Variants in PIP5K1C observed in about 807,000 individuals in gnomAD.
The protein encoded by PIP5K1C is phosphatidylinositol-4-phosphate 5-kinase type 1 gamma.
A neutral mutation model predicts 80.1 loss-of-function variants in PIP5K1C; 45 were observed. The observed-to-expected ratio is 0.56, with a 90% CI of 0.44 to 0.72. The LOEUF is 0.72. Among genes scored for constraint, PIP5K1C ranks in the 30% least tolerant of loss-of-function variants. The pLI is 0.00. For synonymous variants in PIP5K1C, 498 were observed against 420.1 expected, an observed-to-expected ratio of 1.19 and a Z score of -2.27; for missense variants, 753 against 954.6, an observed-to-expected ratio of 0.79 and a Z score of 2.78.
chr19:3,680,021 C>T (rs1478138241), intron 1 of PIP5K1C, among the ~76,000 whole-genome samples: 3 of 152,230 alleles, frequency 2.0e-5, no homozygotes, highest in African/African-American at 7.2e-5. Flanking sequence ...AACACCCTGG[C>T]TACAGCCCCC....
rs12984517 is a variant in PIP5K1C, at chr19:3,686,050, G to A, written c.94+14247C>T. Among the ~76,000 whole-genome samples the A allele has an allele frequency of 7.3e-3, 1,110 of 151,904 alleles. 5 individuals are homozygous for A. The highest frequency in any genetic ancestry group is 0.014 in the Non-Finnish European group (931 of 67,940). ...TTCTTTTTTCAGAAACGGGGGTCTCGCGTTGTTGCCGAGGCTGGTCTCAAA... is the reference window on the plus strand; with the variant it reads ...TTCTTTTTTCAGAAACGGGGGTCTCACGTTGTTGCCGAGGCTGGTCTCAAA... On this transcript the variant is annotated intron_variant, in intron 1 of 17. Transcript: ENST00000335312.
intron 1 of PIP5K1C, among the ~76,000 whole-genome samples, chr19:3,700,094 A>G (rs2036249592): frequency 6.6e-6 from 1 of 151,814 alleles, no homozygotes; most frequent in Admixed American, 6.6e-5. Flanking sequence ...GGTGGGAGGT[A>G]GCCCCTCGCA....
chr19:3,644,041 C>T, intron 12 of PIP5K1C, 46 bp downstream of exon 12: 1 of 1,601,256 alleles, frequency 6.2e-7, no homozygotes. Flanking sequence ...CTGCTGCTGG[C>T]ACCCCCTGTA....
At chr19:3,661,232 C>A in intron 4 of PIP5K1C, 149 bp from the exon 5 acceptor site, 1 of 602,082 alleles carries the variant, frequency 1.7e-6, no homozygotes. Context: ...CCACAAGCAA[C>A]AGGGGGCTCC....
chr19:3,655,898 C>CG, intron 6 of PIP5K1C, among the ~76,000 whole-genome samples: 1 of 152,354 alleles, frequency 6.6e-6, no homozygotes, highest in South Asian at 2.1e-4. Flanking sequence ...CGGGGCCTGA[C>CG]GCACCCTTTC....
chr19:3,632,110 CAA>C lies in PIP5K1C; in HGVS notation c.*1055_*1056del, dbSNP rs1044064607. The C allele has an allele frequency of 1.3e-5, 2 of 152,310 alleles. No homozygotes were observed. Among genetic ancestry groups the C allele is most frequent in the Admixed American group, 1.3e-4 (2 of 15,294 alleles). 9.4% of individuals were successfully genotyped at this position (152,310 alleles called of 1,614,324 possible). ...CTCTTGGAGGGTGATGAGTCGGAAACAAAGTCTTCTCTCCCCTCCTCGGAGAC... is the reference window on the plus strand; with the variant it reads ...CTCTTGGAGGGTGATGAGTCGGAAACAGTCTTCTCTCCCCTCCTCGGAGAC... On this transcript the variant is annotated 3_prime_UTR_variant, in exon 18 of 18. Transcript: ENST00000335312.
At chr19:3,667,488 A>G (rs1040870964) in intron 1 of PIP5K1C, 135 bp from the exon 2 acceptor site, 1 of 944,678 alleles carries the variant, frequency 1.1e-6, no homozygotes, top group Middle Eastern at 2.2e-4. Flanking sequence ...TCAAGGCTAC[A>G]CACAAGTGAA....
intron 8 of PIP5K1C, among the ~76,000 whole-genome samples, chr19:3,650,946 G>A (rs1026311366): frequency 2.0e-5 from 3 of 151,980 alleles, no homozygotes; most frequent in Admixed American, 6.6e-5. Flanking sequence ...AGCAGAGATG[G>A]GGTTTCACCA....
chr19:3,633,515 G>A lies in PIP5K1C; in HGVS notation c.1926C>T (p.Thr642=), dbSNP rs764608129. ...GGGAGTACACCCAGCTCCTCTCATC[G>A]GTGGGCTGGCAGGTGGGCGCGCGTG... The part of the protein sequence containing the change: ...DAPATDIYFP[T]DERSWVYSPL... Residue 642 remains threonine, a synonymous_variant, in exon 17 of 18, where the codon ACC becomes ACT. Transcript: ENST00000335312. 34 of 1,493,224 alleles carry A rather than the reference G, an allele frequency of 2.3e-5. No homozygotes were observed. The highest frequency in any genetic ancestry group is 2.6e-5 in the Non-Finnish European group (29 of 1,116,460). 92.5% of individuals were successfully genotyped at this position (1,493,224 alleles called of 1,614,324 possible). A position where few individuals can be genotyped will look rare whatever the true frequency, so the allele number is the denominator to read the frequency against.
chr19:3,635,923 C>T (rs1316204327), intron 16 of PIP5K1C, among the ~76,000 whole-genome samples: 2 of 150,852 alleles, frequency 1.3e-5, no homozygotes, highest in African/African-American at 2.4e-5. Flanking sequence ...GAACTTGCAG[C>T]GAGCCGAGAT....
chr19:3,638,936 G>A lies in PIP5K1C; in HGVS notation c.1868C>T (p.Pro623Leu). The A allele has an allele frequency of 6.2e-7, 1 of 1,612,552 alleles. No homozygotes were observed. Among genetic ancestry groups the A allele is most frequent in the Non-Finnish European group, 8.5e-7 (1 of 1,179,908 alleles). The change falls in exon 16 of 18, where the codon CCT (proline) becomes CTT (leucine). Residue 623 changes from proline to leucine, a missense_variant. This residue lies in a region of PIP5K1C where 315 missense variants were observed against 294.5 expected (regional missense o/e 1.07). Transcript: ENST00000335312. ...CTCCTCGTCCGAGGCCTGGCTGGCAGGTGCGCCCTCCTCGTCTGAGGCCTG... is the reference window on the plus strand; with the variant it reads ...CTCCTCGTCCGAGGCCTGGCTGGCAAGTGCGCCCTCCTCGTCTGAGGCCTG... ...ASQASDEEGAPASQASDEEDA... is the reference protein window; with the variant it reads ...ASQASDEEGALASQASDEEDA...
Position 3,644,238 on chromosome 19 carries a change from C to A in PIP5K1C, c.1359G>T (p.Ser453=), listed in dbSNP as rs761464634. The change falls in exon 12 of 18, where the codon TCG becomes TCT. Residue 453 remains serine (S), a synonymous_variant. Coordinates refer to ENST00000335312, the MANE Select transcript of PIP5K1C (RefSeq NM_012398.3). The stretch of plus-strand genomic sequence containing the variant: ...CTCCGCCGCGCCCCTTCTTGGAGGG[C>A]GAGGACTTCAGGGCTGCAGGGAAGG... ...VFRKNSSLKS[S]PSKKGRGGAL... The A allele has an allele frequency of 6.2e-7, 1 of 1,612,216 alleles. No homozygotes were observed. The highest frequency in any genetic ancestry group is 8.5e-7 in the Non-Finnish European group (1 of 1,179,810).
chr19:3,660,582 C>G (rs1293074602), intron 5 of PIP5K1C, among the ~76,000 whole-genome samples: 1 of 152,164 alleles, frequency 6.6e-6, no homozygotes, highest in Non-Finnish European at 1.5e-5. Context: ...CCCAGTGGCA[C>G]CCACGTCCCA....
At chr19:3,641,957 C>T in intron 14 of PIP5K1C, 148 bp from the exon 15 acceptor site, 1 of 705,560 alleles carries the variant, frequency 1.4e-6, no homozygotes, top group Non-Finnish European at 2.5e-6. Context: ...TCACTCCCAG[C>T]CCGGGGACTG....
chr19:3,639,469 T>A (rs2033867995), intron 15 of PIP5K1C, among the ~76,000 whole-genome samples: 1 of 152,192 alleles, frequency 6.6e-6, no homozygotes, highest in African/African-American at 2.4e-5. Flanking sequence ...CCTGGCTCCA[T>A]CAGCCAGGCT....
At chr19:3,638,836 G>A (rs372225445) in intron 16 of PIP5K1C, 48 bp downstream of exon 16, 5 of 1,611,032 alleles carry the variant, frequency 3.1e-6, no homozygotes, top group Non-Finnish European at 4.2e-6. Flanking sequence ...GTGTGTGAGA[G>A]AGAGTCCGGT....
chr19:3,639,856 G>A (rs913227937), intron 15 of PIP5K1C, among the ~76,000 whole-genome samples: 1 of 152,252 alleles, frequency 6.6e-6, no homozygotes, highest in Admixed American at 6.5e-5. Flanking sequence ...CGGAAACGGA[G>A]GCACGGAGAG....
rs893974564 is a variant in PIP5K1C at position 3,633,440 on chromosome 19, G to A, written c.2001C>T (p.Asp667=). 4 of 1,497,322 alleles carry A rather than the reference G, an allele frequency of 2.7e-6. No homozygotes were observed. The highest frequency in any genetic ancestry group is 1.4e-5 in the South Asian group (1 of 72,116). 92.8% of individuals were successfully genotyped at this position (1,497,322 alleles called of 1,614,324 possible). The stretch of plus-strand genomic sequence containing the variant: ...GGTGCACCTGGGCTGCACTTACTGT[G>A]TCGCTCTCGCCGTCGGAGGCCGGGG... ...QAPPASDGES[D]T is the part of the protein sequence containing the mutation. Residue 667 remains aspartate (D), a synonymous_variant, in exon 17 of 18, where the codon GAC becomes GAT. Coordinates refer to ENST00000335312, the MANE Select transcript of PIP5K1C (RefSeq NM_012398.3).
chr19:3,693,020 G>A lies in PIP5K1C; in HGVS notation c.94+7277C>T, dbSNP rs371884637. Among the ~76,000 whole-genome samples, 24 of 151,956 alleles carry A rather than the reference G, an allele frequency of 1.6e-4. No homozygotes were observed. In the South Asian group the frequency reaches 2.7e-3, roughly 17 times the overall value. ...CCGCCGCCACTCTCTCCCCTCCTCTGCTCGGCTCTTCTCCGTGGCACTTGT... is the reference window on the plus strand; with the variant it reads ...CCGCCGCCACTCTCTCCCCTCCTCTACTCGGCTCTTCTCCGTGGCACTTGT... On this transcript the variant is annotated intron_variant, in intron 1 of 17. Transcript: ENST00000335312.
Sources: gnomAD v4.1 joint callset for allele counts (sites outside exome capture counted in the v4.1 genomes callset) on GRCh38, gnomAD v4.1.1 for gene constraint, gnomAD v4.1.1 regional missense constraint, MANE v1.5 for transcripts, NCBI Gene and HGNC (gene_info 2026-07-23, HGNC 2026-07-21) for gene names.